COL11A1: variants seen among roughly 807,000 people sequenced by gnomAD.
COL11A1 encodes the protein collagen type XI alpha 1 chain.
In COL11A1, 74 loss-of-function variants were observed where a neutral mutation model predicts 265.2. That is an observed-to-expected ratio of 0.28 (90% confidence interval 0.23 to 0.34). The LOEUF (loss-of-function observed/expected upper bound fraction) is 0.34, where lower values mean the gene tolerates loss of function less well. COL11A1 is among the 10% of genes least tolerant of loss of function. The pLI is 1.00. For missense variants in COL11A1, 2,165 were observed against 2,263.6 expected, an observed-to-expected ratio of 0.96 and a Z score of 0.88; for synonymous variants, 816 against 727.6, an observed-to-expected ratio of 1.12 and a Z score of -1.96.
At chr1:102,924,120 C>T (rs188357263) in intron 46 of COL11A1, among the ~76,000 whole-genome samples, 2 of 151,654 alleles carry the variant, frequency 1.3e-5, no homozygotes, top group East Asian at 3.9e-4. Flanking sequence ...ACTCGGGAGG[C>T]TGAGGCAGGA....
At chr1:102,926,288 G>T (rs1385491114) in intron 46 of COL11A1, among the ~76,000 whole-genome samples, 6 of 151,980 alleles carry the variant, frequency 3.9e-5, no homozygotes, top group Non-Finnish European at 8.8e-5. Context: ...CTGTTTTAAG[G>T]TCTGTCAATT....
chr1:103,025,724 G>T, intron 6 of COL11A1, 111 bp from the exon 7 acceptor site: 1 of 1,577,304 alleles, frequency 6.3e-7, no homozygotes, highest in South Asian at 1.1e-5. Flanking sequence ...TTATCTAGTT[G>T]GGTTAAGACT....
intron 4 of COL11A1, among the ~76,000 whole-genome samples, chr1:103,032,325 A>C (rs2102001583): frequency 6.6e-6 from 1 of 152,268 alleles, no homozygotes; most frequent in East Asian, 1.9e-4. Flanking sequence ...AAAATCTTTA[A>C]AAATTAAAGA....
intron 4 of COL11A1, among the ~76,000 whole-genome samples, chr1:103,067,143 G>A (rs563242182): frequency 2.6e-5 from 4 of 151,876 alleles, no homozygotes; most frequent in Admixed American, 2.6e-4. Flanking sequence ...TATAAGGAAA[G>A]ATCTAAGTGA....
chr1:103,092,751 C>T (rs1673427536), intron 1 of COL11A1, among the ~76,000 whole-genome samples: 1 of 152,072 alleles, frequency 6.6e-6, no homozygotes, highest in African/African-American at 2.4e-5. Flanking sequence ...TGCTTTTCAT[C>T]ACATTTAGTG....
At chr1:102,932,500 C>T (rs934042425) in intron 46 of COL11A1, among the ~76,000 whole-genome samples, 7 of 152,054 alleles carry the variant, frequency 4.6e-5, no homozygotes, top group African/African-American at 1.7e-4. Context: ...GGTAACCCGA[C>T]CTTTCTCTCT....
At chr1:103,004,229 T>A (rs1351169544) in intron 20 of COL11A1, among the ~76,000 whole-genome samples, 1 of 152,116 alleles carries the variant, frequency 6.6e-6, no homozygotes, top group Non-Finnish European at 1.5e-5. Flanking sequence ...AAATGTTACA[T>A]TCCACAGATT....
chr1:103,045,611 C>CT (rs901569458), intron 4 of COL11A1, among the ~76,000 whole-genome samples: 5 of 151,824 alleles, frequency 3.3e-5, no homozygotes, highest in African/African-American at 4.8e-5. Context: ...TATCAATATT[C>CT]TTTTTTTAAT....
At chr1:102,960,469 G>T (rs969988076) in intron 41 of COL11A1, among the ~76,000 whole-genome samples, 1 of 82,894 alleles carries the variant, frequency 1.2e-5, no homozygotes, top group African/African-American at 3.2e-5. Context: ...ATATAATAAA[G>T]GTCACTGGGT....
At chr1:103,060,502 A>T (rs1670589506) in intron 4 of COL11A1, among the ~76,000 whole-genome samples, 1 of 152,186 alleles carries the variant, frequency 6.6e-6, no homozygotes, top group Non-Finnish European at 1.5e-5. Flanking sequence ...AATAGCAATA[A>T]TGGATTTCAC....
intron 36 of COL11A1, among the ~76,000 whole-genome samples, chr1:102,970,596 A>C (rs1661873787): frequency 6.6e-6 from 1 of 152,158 alleles, no homozygotes; most frequent in Non-Finnish European, 1.5e-5. Context: ...CTTCTTTAGC[A>C]CTTCACAAAT....
intron 56 of COL11A1, 128 bp downstream of exon 56, chr1:102,898,538 C>G (rs1652741069): frequency 3.0e-6 from 2 of 674,710 alleles, no homozygotes; most frequent in South Asian, 3.8e-5. Flanking sequence ...ATTATATTTA[C>G]AGAATTCCCA....
At chr1:103,081,286 G>A (rs1672391859) in intron 2 of COL11A1, among the ~76,000 whole-genome samples, 1 of 151,814 alleles carries the variant, frequency 6.6e-6, no homozygotes, top group South Asian at 2.1e-4. Context: ...AATCTGAGTA[G>A]TTCTAAAGGT....
chr1:102,934,166 C>T (rs1204294727), intron 46 of COL11A1, among the ~76,000 whole-genome samples: 2 of 152,058 alleles, frequency 1.3e-5, no homozygotes, highest in Admixed American at 1.3e-4. Flanking sequence ...ATTTTCCAAA[C>T]AAAATGGGAG....
At chr1:102,968,422 C>A (rs200311102) in intron 37 of COL11A1, among the ~76,000 whole-genome samples, 1 of 152,040 alleles carries the variant, frequency 6.6e-6, no homozygotes, top group East Asian at 1.9e-4. Flanking sequence ...CTGTTTAAGG[C>A]CACCAGGAAA....
intron 4 of COL11A1, among the ~76,000 whole-genome samples, chr1:103,067,410 A>G (rs1671240439): frequency 6.6e-6 from 1 of 151,876 alleles, no homozygotes; most frequent in African/African-American, 2.4e-5. Context: ...AAATAAAAAA[A>G]GAAATTGAAA....
chr1:102,888,844 G>A, intron 60 of COL11A1, 22 bp downstream of exon 60: 1 of 1,612,146 alleles, frequency 6.2e-7, no homozygotes, highest in Non-Finnish European at 8.5e-7. Flanking sequence ...TACCTTATAA[G>A]GTTATTTTGT....
chr1:102,979,636 T>C, intron 31 of COL11A1: 2 of 658,344 alleles, frequency 3.0e-6, no homozygotes. Flanking sequence ...AAGCACAAAT[T>C]GATAAAACAT....
chr1:103,022,576 C>A (rs748359321), intron 8 of COL11A1, among the ~76,000 whole-genome samples, 166 bp downstream of exon 8: 3 of 152,104 alleles, frequency 2.0e-5, no homozygotes, highest in Non-Finnish European at 4.4e-5. Flanking sequence ...GCTGAAGATT[C>A]CCATGTGAAA....
Sources: allele counts gnomAD v4.1 joint callset (sites outside exome capture counted in the v4.1 genomes callset), GRCh38; gene constraint gnomAD v4.1.1; transcripts MANE v1.5; gene names NCBI Gene and HGNC (gene_info 2026-07-23, HGNC 2026-07-21).